LPP: variants seen among roughly 807,000 people sequenced by gnomAD.
The protein encoded by LPP is LIM domain containing preferred translocation partner in lipoma.
Under a neutral mutation model 60.4 loss-of-function variants are expected in LPP, and 38 were observed. The observed-to-expected ratio is 0.63, with a 90% confidence interval of 0.49 to 0.83. The LOEUF (loss-of-function observed/expected upper bound fraction) is 0.83. LPP is among the 40% of genes least tolerant of loss of function. LPP has a pLI of 0.00. For missense variants in LPP, 902 were observed against 783.6 expected (o/e 1.15, Z -1.80); for synonymous variants, 328 against 290.8 (o/e 1.13, Z -1.30).
At chr3:188,629,261 G>C (rs1452951221) in intron 7 of LPP, among the ~76,000 whole-genome samples, 1 of 151,552 alleles carries the variant, frequency 6.6e-6, no homozygotes, top group East Asian at 1.9e-4. Context: ...GCTCCAAATA[G>C]AAAGAGAGAA....
chr3:188,638,887 C>T (rs1376608996), intron 7 of LPP, among the ~76,000 whole-genome samples: 10 of 152,016 alleles, frequency 6.6e-5, no homozygotes, highest in African/African-American at 2.2e-4. Flanking sequence ...AATGGAAGAA[C>T]ATTCCATGCT....
At chr3:188,566,577 C>T (rs12494125) in intron 6 of LPP, among the ~76,000 whole-genome samples, 2 of 151,878 alleles carry the variant, frequency 1.3e-5, no homozygotes, top group African/African-American at 4.8e-5. Flanking sequence ...AACTCTCCCT[C>T]CAACATTCAT....
At chr3:188,298,589 A>G (rs1256431077) in intron 2 of LPP, among the ~76,000 whole-genome samples, 2 of 152,168 alleles carry the variant, frequency 1.3e-5, no homozygotes, top group Non-Finnish European at 2.9e-5. Context: ...CCCCTTCTCA[A>G]ACTTTACGGG....
intron 3 of LPP, among the ~76,000 whole-genome samples, chr3:188,389,502 G>A (rs1171440914): frequency 2.6e-5 from 4 of 152,076 alleles, no homozygotes; most frequent in East Asian, 1.9e-4. Flanking sequence ...GAGACTGGGC[G>A]TGGTGGCTCA....
At chr3:188,351,462 G>A (rs748242010) in intron 3 of LPP, among the ~76,000 whole-genome samples, 6 of 152,128 alleles carry the variant, frequency 3.9e-5, no homozygotes, top group Non-Finnish European at 8.8e-5. Flanking sequence ...GCTCTGTCTG[G>A]AGTCCTTGTT....
At chr3:188,742,926 T>G (rs1308198206) in intron 8 of LPP, among the ~76,000 whole-genome samples, 1 of 152,192 alleles carries the variant, frequency 6.6e-6, no homozygotes, top group Non-Finnish European at 1.5e-5. Flanking sequence ...CAGCCTTGTA[T>G]TTGTTGCAAG....
Position 188,182,006 on chromosome 3 carries a change from C to T in LPP, c.-190+27754C>T, listed in dbSNP as rs1725161159. Among the ~76,000 whole-genome samples the T allele has an allele frequency of 6.6e-6, 1 of 152,262 alleles. No individual in the cohort carries two copies. Among genetic ancestry groups the T allele is most frequent in the Non-Finnish European group, 1.5e-5 (1 of 68,052 alleles). Reference sequence around the variant, plus strand: ...TACTGGCTTTCTGCTGGGATGCCCACAGCACTTTGGCCAGATCTCTGATAT... The same window carrying T: ...TACTGGCTTTCTGCTGGGATGCCCATAGCACTTTGGCCAGATCTCTGATAT... On this transcript the variant is annotated intron_variant, in intron 1 of 11. Coordinates refer to ENST00000617246, the MANE Select transcript of LPP (RefSeq NM_001375462.1). This position sits in a 1 kb window ranked among gnomAD's most constrained non-coding sequence, Gnocchi z 4.4.
chr3:188,345,167 A>G (rs1327560038), intron 3 of LPP, among the ~76,000 whole-genome samples: 1 of 152,240 alleles, frequency 6.6e-6, no homozygotes, highest in Non-Finnish European at 1.5e-5. Flanking sequence ...ATCTTTTTCT[A>G]TAAACTATCC....
intron 9 of LPP, among the ~76,000 whole-genome samples, chr3:188,805,255 T>G (rs1185453259): frequency 6.6e-6 from 1 of 152,012 alleles, no homozygotes; most frequent in African/African-American, 2.4e-5. Context: ...CTGGAAGAAT[T>G]TGTATGGAAT....
chr3:188,807,402 G>A (rs1227186158), intron 9 of LPP, among the ~76,000 whole-genome samples: 2 of 151,696 alleles, frequency 1.3e-5, no homozygotes, highest in Non-Finnish European at 2.9e-5. Flanking sequence ...TCTTCAGTTG[G>A]TTGTTTATTC....
At chr3:188,190,941 T>C (rs1710996) in intron 1 of LPP, among the ~76,000 whole-genome samples, 2,850 of 152,276 alleles carry the variant, frequency 0.019, 60 homozygotes, top group African/African-American at 0.065. Flanking sequence ...TTTTTAAAAC[T>C]CTGGTTGGGG....
At chr3:188,487,507 G>A (rs925764847) in intron 5 of LPP, among the ~76,000 whole-genome samples, 31 of 152,288 alleles carry the variant, frequency 2.0e-4, no homozygotes, top group African/African-American at 7.2e-4. Flanking sequence ...TAAAACAGAA[G>A]GGAGGAGGAT....
At chr3:188,276,411 T>C (rs1383543158) in intron 2 of LPP, among the ~76,000 whole-genome samples, 1 of 152,216 alleles carries the variant, frequency 6.6e-6, no homozygotes, top group Non-Finnish European at 1.5e-5. Flanking sequence ...TTGTTGTAAG[T>C]CACAGAACCT....
At chr3:188,325,901 A>G (rs1303274869) in intron 2 of LPP, among the ~76,000 whole-genome samples, 4 of 152,316 alleles carry the variant, frequency 2.6e-5, no homozygotes, top group Non-Finnish European at 4.4e-5. Flanking sequence ...AATGGATCTC[A>G]GAAGATTATC....
chr3:188,464,269 C>A (rs1799822459), intron 4 of LPP, among the ~76,000 whole-genome samples: 1 of 152,178 alleles, frequency 6.6e-6, no homozygotes, highest in Non-Finnish European at 1.5e-5. Flanking sequence ...TACAGTATGA[C>A]TAAATCTGAA....
chr3:188,623,598 A>C (rs1182366400), intron 7 of LPP, among the ~76,000 whole-genome samples: 1 of 152,146 alleles, frequency 6.6e-6, no homozygotes, highest in East Asian at 1.9e-4. Flanking sequence ...TGAGTCAGAA[A>C]CTGAGAAAGG....
intron 6 of LPP, among the ~76,000 whole-genome samples, chr3:188,534,562 C>G (rs578169076): frequency 2.5e-4 from 38 of 152,122 alleles, no homozygotes; most frequent in Middle Eastern, 3.4e-3. Context: ...CCTTTCTTTT[C>G]TTTTCTGATT....
intron 9 of LPP, among the ~76,000 whole-genome samples, chr3:188,843,877 A>C (rs1353352763): frequency 1.3e-5 from 2 of 151,854 alleles, no homozygotes; most frequent in Admixed American, 6.6e-5. Context: ...AAGTATCCAA[A>C]GCATTGGATT....
rs1491556204 is a variant in LPP, at chr3:188,250,767, T to TG, written c.-67+25240_-67+25241insG. 8.8e-4 allele frequency among the ~76,000 whole-genome samples: 105 copies of TG among 119,156 alleles called. 1 individual carries two copies. The highest frequency in any genetic ancestry group is 4.1e-3 in the African/African-American group (98 of 23,884). The allele number at this position is 119,156 out of a possible 152,430, so 78.2% of individuals were successfully genotyped here. On this transcript the variant is annotated intron_variant, in intron 2 of 11. Transcript: ENST00000617246. ...CTTTCTTTCTTTCTTTCTTTCTTTC[T>TG]TTCTTTCTTTCTTTCTTTCTGTCTT...
Sources: gnomAD v4.1 joint callset for allele counts (sites outside exome capture counted in the v4.1 genomes callset) on GRCh38, gnomAD v4.1.1 for gene constraint, Gnocchi (gnomAD v3.1) non-coding constraint, MANE v1.5 for transcripts, NCBI Gene and HGNC (gene_info 2026-07-23, HGNC 2026-07-21) for gene names.